The following CCNT2 variants were observed in gnomAD, a reference collection of about 807,000 sequenced individuals.
The protein encoded by CCNT2 is cyclin-T2.
In CCNT2, 18 loss-of-function variants were observed where a neutral mutation model predicts 70.0. The ratio of observed to expected loss-of-function variants is 0.26; its 90% CI spans 0.18 to 0.38. The LOEUF (loss-of-function observed/expected upper bound fraction) is 0.38. Ranked by LOEUF, CCNT2 falls within the 10% of genes least tolerant of loss-of-function variation. The probability of loss-of-function intolerance (pLI) is 1.00; values close to 1 mark genes in which losing one functional copy is unlikely to be tolerated. For missense variants in CCNT2, 734 were observed against 890.2 expected (o/e 0.82, Z 2.23); for synonymous variants, 334 against 313.3 (o/e 1.07, Z -0.70).
chr2:134,943,136 CCCACCT>C (rs1273783409), intron 5 of CCNT2: 21 of 977,938 alleles, frequency 2.1e-5, no homozygotes, highest in Non-Finnish European at 2.4e-5. Flanking sequence ...TACGGTGGCT[CCCACCT>C]GTAATCCCAG....
At chr2:134,952,603 G>T in intron 7 of CCNT2, 38 bp from the exon 8 acceptor site, 2 of 1,275,626 alleles carry the variant, frequency 1.6e-6, no homozygotes, top group South Asian at 1.3e-5. Context: ...AAATCCTAAA[G>T]GCACCTTCTA....
intron 2 of CCNT2, among the ~76,000 whole-genome samples, chr2:134,930,757 T>C (rs2105032382): frequency 6.6e-6 from 1 of 152,198 alleles, no homozygotes; most frequent in South Asian, 2.1e-4. Flanking sequence ...TTTATGTTCT[T>C]GGTGGTATTT....
chr2:134,920,767 A>G lies in CCNT2; in HGVS notation c.240+876A>G, dbSNP rs560124485. Among the ~76,000 whole-genome samples, 8 of 152,342 alleles carry G rather than the reference A, an allele frequency of 5.3e-5. No homozygotes were observed. The South Asian group carries it at 8.3e-4, about 16-fold the overall frequency. ...TATGTGTAGAAAAATGGACCAAAGAAGACTTTCTGCTATTTGTGGATAGTC... is the reference window on the plus strand; with the variant it reads ...TATGTGTAGAAAAATGGACCAAAGAGGACTTTCTGCTATTTGTGGATAGTC... On this transcript the variant is annotated intron_variant, in intron 2 of 8. Coordinates refer to ENST00000264157, the MANE Select transcript of CCNT2 (RefSeq NM_058241.3).
intron 2 of CCNT2, among the ~76,000 whole-genome samples, chr2:134,936,460 A>G (rs1237722416): frequency 6.6e-6 from 1 of 152,162 alleles, no homozygotes; most frequent in African/African-American, 2.4e-5. Flanking sequence ...CCCTTAAAAA[A>G]TAGAAGGTTT....
chr2:134,929,535 G>A (rs970099977), intron 2 of CCNT2, among the ~76,000 whole-genome samples: 2 of 150,502 alleles, frequency 1.3e-5, no homozygotes, highest in Non-Finnish European at 2.9e-5. Context: ...TTGAGCCCAG[G>A]AGGTTGAGGC....
At chr2:134,920,352 A>G (rs768063539) in intron 2 of CCNT2, 2 of 152,424 alleles carry the variant, frequency 1.3e-5, no homozygotes, top group Non-Finnish European at 2.9e-5. Flanking sequence ...TCATTTCTTC[A>G]TTTGCTAACC....
chr2:134,931,999 T>A (rs1559095874), intron 2 of CCNT2, among the ~76,000 whole-genome samples: 1 of 152,142 alleles, frequency 6.6e-6, no homozygotes, highest in Non-Finnish European at 1.5e-5. Flanking sequence ...TCATTTTTTC[T>A]TTTTTGTTTT....
chr2:134,920,012 C>T (rs1679768832), intron 2 of CCNT2, 121 bp downstream of exon 2: 1 of 608,430 alleles, frequency 1.6e-6, no homozygotes, highest in Non-Finnish European at 2.9e-6. Flanking sequence ...ACGTATATCA[C>T]GTGATAAATA....
intron 7 of CCNT2, among the ~76,000 whole-genome samples, chr2:134,951,406 A>T (rs1283366513): frequency 6.6e-6 from 1 of 152,216 alleles, no homozygotes; most frequent in Non-Finnish European, 1.5e-5. Context: ...TAGTTCATCA[A>T]AACCACACTA....
chr2:134,945,269 A>T lies in CCNT2; in HGVS notation c.494-832A>T, dbSNP rs1032736926. On this transcript the variant is annotated intron_variant, in intron 5 of 8. Coordinates refer to ENST00000264157, the MANE Select transcript of CCNT2 (RefSeq NM_058241.3). ...ACGGTTAGAGGGGTGGAGTTGAGAT[A>T]AACTGATCCTAGGTGAGCAGAGGGG... The T allele has an allele frequency of 3.8e-5, 37 of 985,304 alleles. No homozygotes were observed. In the African/African-American group the frequency reaches 6.3e-4, roughly 17 times the overall value. 61.0% of individuals were successfully genotyped at this position (985,304 alleles called of 1,614,324 possible).
chr2:134,956,665 GATA>G lies in CCNT2; in HGVS notation c.*2021_*2023del, dbSNP rs1259140284. On this transcript the variant is annotated 3_prime_UTR_variant, in exon 9 of 9. Transcript: ENST00000264157. ...GTTGTGCTACTGTATAATTGGGGGTGATAATACCAGGAATTTTAATAAGATTTT... is the reference window on the plus strand; with the variant it reads ...GTTGTGCTACTGTATAATTGGGGGTGATACCAGGAATTTTAATAAGATTTT... 6.6e-6 allele frequency: 1 copy of G among 152,402 alleles called. No individual in the cohort carries two copies. Among genetic ancestry groups the G allele is most frequent in the African/African-American group, 2.4e-5 (1 of 41,408 alleles). The allele number at this position is 152,402 out of a possible 1,614,324, so 9.4% of individuals were successfully genotyped here. A position where few individuals can be genotyped will look rare whatever the true frequency, so the allele number is the denominator to read the frequency against.
chr2:134,953,845 C>G lies in CCNT2; in HGVS notation c.1390C>G (p.Gln464Glu). 6.2e-7 allele frequency: 1 copy of G among 1,614,042 alleles called. No homozygotes were observed. Among genetic ancestry groups the G allele is most frequent in the Non-Finnish European group, 8.5e-7 (1 of 1,179,980 alleles). The change falls in exon 9 of 9, where the codon CAG becomes GAG. Residue 464 changes from glutamine (Q) to glutamate (E), a missense_variant. This residue lies in a region of CCNT2 where 532 missense variants were observed against 556.9 expected (regional missense o/e 0.96). Transcript: ENST00000264157. ...DHYIAAQVEQ[Q>E]HKQGQSQAAS... ...TTATATAGCTGCCCAGGTAGAACAGCAGCACAAACAAGGGCAGTCACAGGC... is the reference window on the plus strand; with the variant it reads ...TTATATAGCTGCCCAGGTAGAACAGGAGCACAAACAAGGGCAGTCACAGGC...
In CCNT2 at chr2:134,958,766, T is replaced by G. The variant is rs1484042704; in HGVS notation, c.*4118T>G. ...TTAGACCTAATATCATACATTAATT[T>G]TCTGCTCTGCAGTGTCAATTTGGGC... On this transcript the variant is annotated 3_prime_UTR_variant, in exon 9 of 9. Transcript: ENST00000264157. 6.6e-6 allele frequency: 1 copy of G among 152,236 alleles called. No individual in the cohort carries two copies. The highest frequency in any genetic ancestry group is 2.4e-5 in the African/African-American group (1 of 41,460). The allele number at this position is 152,236 out of a possible 1,614,324, so 9.4% of individuals were successfully genotyped here. A position where few individuals can be genotyped will look rare whatever the true frequency, so the allele number is the denominator to read the frequency against.
chr2:134,952,591 T>A (rs771369400), intron 7 of CCNT2, 50 bp from the exon 8 acceptor site: 1 of 1,171,982 alleles, frequency 8.5e-7, no homozygotes, highest in Admixed American at 2.2e-5. Context: ...TAAGAGAAAT[T>A]TAAATCCTAA....
chr2:134,931,008 G>A (rs1680711313), intron 2 of CCNT2, among the ~76,000 whole-genome samples: 1 of 151,230 alleles, frequency 6.6e-6, no homozygotes, highest in Admixed American at 6.6e-5. Context: ...TGTCCCTCAG[G>A]CTGGAGTGCA....
intron 3 of CCNT2, 86 bp downstream of exon 3, chr2:134,937,055 T>A: frequency 1.2e-6 from 1 of 868,968 alleles, no homozygotes; most frequent in Admixed American, 2.5e-5. Flanking sequence ...ACAGTTCAAT[T>A]AGTGGTGCCT....
In CCNT2 at chr2:134,953,161, T is replaced by A. The variant is rs1573867354; in HGVS notation, c.775-69T>A. 1.4e-5 allele frequency: 16 copies of A among 1,118,220 alleles called. No individual in the cohort carries two copies. The East Asian group carries it at 3.7e-4, about 26-fold the overall frequency. The allele number at this position is 1,118,220 out of a possible 1,614,324, so 69.3% of individuals were successfully genotyped here. On this transcript the variant is annotated intron_variant, in intron 8 of 8. Coordinates refer to ENST00000264157, the MANE Select transcript of CCNT2 (RefSeq NM_058241.3). ...TATAATGTTTTTAATATATAACTTT[T>A]ATAAGACAAGAAATTTGCATTAAAT... is the stretch of plus-strand genomic sequence containing the variant.
At chr2:134,923,625 T>C (rs1473768586) in intron 2 of CCNT2, among the ~76,000 whole-genome samples, 1 of 152,234 alleles carries the variant, frequency 6.6e-6, no homozygotes, top group Non-Finnish European at 1.5e-5. Context: ...CCTAGATGAT[T>C]TTTAAATTCC....
intron 5 of CCNT2, chr2:134,943,681 T>C (rs1681735819): frequency 1.0e-6 from 1 of 984,786 alleles, no homozygotes; most frequent in Admixed American, 6.1e-5. Context: ...ATGAATCCTA[T>C]ATATCTGTTG....
Sources: gnomAD v4.1 joint callset for allele counts (sites outside exome capture counted in the v4.1 genomes callset) on GRCh38, gnomAD v4.1.1 for gene constraint, gnomAD v4.1.1 regional missense constraint, MANE v1.5 for transcripts, NCBI Gene and HGNC (gene_info 2026-07-23, HGNC 2026-07-21) for gene names.